ME1: variants seen among roughly 807,000 people sequenced by gnomAD.
The protein encoded by ME1 is malic enzyme 1.
Under a neutral mutation model 66.4 loss-of-function variants are expected in ME1, and 74 were observed. The ratio of observed to expected loss-of-function variants is 1.11; its 90% CI spans 0.92 to 1.35. The LOEUF is 1.35. Among genes scored for constraint, ME1 ranks in the 40% most tolerant of loss-of-function variants. The pLI, the probability that ME1 is intolerant of heterozygous loss-of-function variation, is 0.00. For synonymous variants in ME1, 251 were observed against 235.6 expected (o/e 1.07, Z -0.60); for missense variants, 750 against 694.1 (o/e 1.08, Z -0.90).
intron 5 of ME1, among the ~76,000 whole-genome samples, chr6:83,343,062 T>C (rs1768619652): frequency 6.6e-6 from 1 of 152,224 alleles, no homozygotes; most frequent in South Asian, 2.1e-4. Context: ...CAATACAGTG[T>C]TGGTAACTGT....
At chr6:83,294,500 C>T (rs147600751) in intron 6 of ME1, among the ~76,000 whole-genome samples, 1 of 152,214 alleles carries the variant, frequency 6.6e-6, no homozygotes, top group Non-Finnish European at 1.5e-5. Flanking sequence ...TGCTCCCCAA[C>T]AAGCAGAGCC....
intron 6 of ME1, among the ~76,000 whole-genome samples, chr6:83,312,465 G>A (rs1461861062): frequency 6.6e-6 from 1 of 152,132 alleles, no homozygotes; most frequent in East Asian, 1.9e-4. Flanking sequence ...CTCTCATTGT[G>A]GAGAAGACCG....
chr6:83,275,402 T>C (rs185622333), intron 6 of ME1, among the ~76,000 whole-genome samples: 10 of 150,040 alleles, frequency 6.7e-5, no homozygotes, highest in Non-Finnish European at 3.0e-5. Context: ...GGTTATAGTA[T>C]AAACCGAACC....
intron 3 of ME1, among the ~76,000 whole-genome samples, chr6:83,366,606 A>G (rs1330224775): frequency 6.6e-6 from 1 of 152,204 alleles, no homozygotes; most frequent in African/African-American, 2.4e-5. Flanking sequence ...CAAAAATCCT[A>G]GGATGAAGAA....
intron 1 of ME1, among the ~76,000 whole-genome samples, chr6:83,413,732 C>T (rs1382609495): frequency 2.0e-5 from 3 of 152,004 alleles, no homozygotes; most frequent in African/African-American, 7.2e-5. Context: ...CTGAAGGGTT[C>T]CTTCCTCCAA....
chr6:83,224,772 C>G (rs1178234821), intron 11 of ME1, among the ~76,000 whole-genome samples: 1 of 150,134 alleles, frequency 6.7e-6, no homozygotes, highest in Non-Finnish European at 1.5e-5. Context: ...GAAACAAACT[C>G]ATTGGCAGGA....
chr6:83,254,652 C>T (rs1054741575), intron 6 of ME1, among the ~76,000 whole-genome samples: 18 of 152,020 alleles, frequency 1.2e-4, no homozygotes, highest in African/African-American at 3.9e-4. Context: ...ATATTTTGTA[C>T]TTTTATGTCT....
chr6:83,402,034 C>T (rs1395957342), intron 2 of ME1, among the ~76,000 whole-genome samples: 3 of 152,218 alleles, frequency 2.0e-5, no homozygotes, highest in South Asian at 2.1e-4. Context: ...TTCCACACAG[C>T]ATTGCTTCTG....
intron 9 of ME1, among the ~76,000 whole-genome samples, chr6:83,229,968 A>T (rs1407517760): frequency 1.3e-5 from 2 of 152,010 alleles, no homozygotes; most frequent in African/African-American, 4.8e-5. Flanking sequence ...AACTACAGGC[A>T]TGCACCACCA....
chr6:83,261,168 T>C (rs1395677065), intron 6 of ME1, among the ~76,000 whole-genome samples: 2 of 152,196 alleles, frequency 1.3e-5, no homozygotes, highest in Admixed American at 1.3e-4. Context: ...TGGTATGACA[T>C]GGTATCTCAT....
At chr6:83,233,548 G>A (rs1349832211) in intron 9 of ME1, among the ~76,000 whole-genome samples, 1 of 151,956 alleles carries the variant, frequency 6.6e-6, no homozygotes, top group African/African-American at 2.4e-5. Context: ...AAATATGCTG[G>A]AATAATAATT....
intron 5 of ME1, among the ~76,000 whole-genome samples, chr6:83,339,580 A>T (rs1393349768): frequency 6.0e-4 from 11 of 18,380 alleles, no homozygotes; most frequent in South Asian, 4.5e-3. Context: ...CAAATGTCCA[A>T]CAATGATAGA....
intron 1 of ME1, among the ~76,000 whole-genome samples, chr6:83,419,533 C>G (rs969977700): frequency 6.6e-6 from 1 of 152,182 alleles, no homozygotes; most frequent in African/African-American, 2.4e-5. Context: ...TACAATATCT[C>G]TAGTATATAA....
intron 3 of ME1, among the ~76,000 whole-genome samples, chr6:83,355,554 A>G (rs1459725375): frequency 6.6e-6 from 1 of 152,176 alleles, no homozygotes; most frequent in Non-Finnish European, 1.5e-5. Context: ...ATTCATTCAT[A>G]GAAAGAATTA....
intron 9 of ME1, among the ~76,000 whole-genome samples, chr6:83,235,895 A>G (rs1180235): frequency 0.45 from 68,065 of 151,958 alleles, 15,866 homozygotes; most frequent in African/African-American, 0.57. Flanking sequence ...TATGTATATT[A>G]ATTTTAAAAA....
intron 6 of ME1, among the ~76,000 whole-genome samples, chr6:83,255,470 T>A (rs1035970260): frequency 1.3e-5 from 2 of 152,030 alleles, no homozygotes; most frequent in Admixed American, 1.3e-4. Flanking sequence ...TTTGATGAAA[T>A]GCTTACAACA....
Position 83,276,693 on chromosome 6 carries a change from TA to T in ME1, c.705-22956del, listed in dbSNP as rs536447045. ...TCTGATGTTTACAATTACAGTATAC[TA>T]AAAAAAAATTAGTTTTACTATTTTT... On this transcript the variant is annotated intron_variant, in intron 6 of 13. Coordinates refer to ENST00000369705, the MANE Select transcript of ME1 (RefSeq NM_002395.6). Among the ~76,000 whole-genome samples, 35 of 151,740 alleles carry T rather than the reference TA, an allele frequency of 2.3e-4. 1 individual carries two copies. The highest frequency in any genetic ancestry group is 4.3e-4 in the African/African-American group (18 of 41,442).
At chr6:83,291,283 C>T (rs1767498162) in intron 6 of ME1, among the ~76,000 whole-genome samples, 1 of 152,164 alleles carries the variant, frequency 6.6e-6, no homozygotes, top group African/African-American at 2.4e-5. Flanking sequence ...ATGTTTAGTG[C>T]TTCCTTCAGA....
At chr6:83,268,436 T>G (rs575757785) in intron 6 of ME1, among the ~76,000 whole-genome samples, 1 of 152,280 alleles carries the variant, frequency 6.6e-6, no homozygotes, top group Non-Finnish European at 1.5e-5. Context: ...TAAATGTATC[T>G]TATGTCTCAC....
Sources: allele counts gnomAD v4.1 joint callset (sites outside exome capture counted in the v4.1 genomes callset), GRCh38; gene constraint gnomAD v4.1.1; transcripts MANE v1.5; gene names NCBI Gene and HGNC (gene_info 2026-07-23, HGNC 2026-07-21).